Variants in MICU3 observed in about 807,000 individuals in gnomAD.
MICU3 encodes the protein calcium uptake protein 3, mitochondrial.
In MICU3, 62 loss-of-function variants were observed where a neutral mutation model predicts 66.5. That is an observed-to-expected ratio of 0.93 (90% CI 0.76 to 1.15). The LOEUF is 1.15. Ranked by LOEUF, MICU3 falls within the 50% of genes most tolerant of loss-of-function variation. The pLI is 0.00. For synonymous variants in MICU3, 308 were observed against 240.7 expected (o/e 1.28, Z -2.59); for missense variants, 779 against 664.4 (o/e 1.17, Z -1.90).
intron 5 of MICU3, 83 bp from the exon 6 acceptor site, chr8:17,085,153 A>C (rs570403926): frequency 1.2e-6 from 1 of 850,152 alleles, no homozygotes; most frequent in Non-Finnish European, 1.9e-6. Context: ...ACAGAATATG[A>C]GTAACTTTAC....
intron 4 of MICU3, among the ~76,000 whole-genome samples, chr8:17,078,126 C>G (rs1453893981): frequency 2.0e-5 from 3 of 151,766 alleles, no homozygotes; most frequent in African/African-American, 7.3e-5. Context: ...TCAGATTGGA[C>G]TTACATAGTT....
At chr8:17,124,516 T>A (rs1803354784), downstream of MICU3, among the ~76,000 whole-genome samples, 1 of 152,082 alleles carries the variant, frequency 6.6e-6, no homozygotes, top group African/African-American at 2.4e-5. Context: ...CCATCTAGAA[T>A]GGTTGTCCTC....
At chr8:17,067,903 CAAAT>C (rs1266310506) in intron 2 of MICU3, among the ~76,000 whole-genome samples, 7 of 124,844 alleles carry the variant, frequency 5.6e-5, no homozygotes, top group African/African-American at 2.5e-4. Context: ...AATTATAGAT[CAAAT>C]AAATGTTGAG....
At chr8:17,135,250 T>C in the MICU3 span, among the ~76,000 whole-genome samples, 3 of 152,168 alleles carry the variant, frequency 2.0e-5, no homozygotes, top group East Asian at 5.8e-4. Context: ...AATACCAAAA[T>C]TAGCCAGGTG....
chr8:17,116,454 C>A lies in MICU3; in HGVS notation c.1378C>A (p.Arg460Ser). The change falls in exon 13 of 15, where the codon CGT becomes AGT. Residue 460 changes from arginine (R) to serine (S), a missense_variant. By Grantham distance (110) the Arg-to-Ser change is moderately radical. Coordinates refer to ENST00000318063, the MANE Select transcript of MICU3 (RefSeq NM_181723.3). ...SRSIGQDEFKRAVYVATGLKF... is the reference protein window; with the variant it reads ...SRSIGQDEFKSAVYVATGLKF... ...TAACATTTATCTAGATGAATTTAAA[C>A]GTGCCGTCTATGTAGCTACTGGACT... 1 of 1,470,148 alleles carries A rather than the reference C, an allele frequency of 6.8e-7. No homozygotes were observed. Among genetic ancestry groups the A allele is most frequent in the Non-Finnish European group, 9.0e-7 (1 of 1,112,282 alleles). The allele number at this position is 1,470,148 out of a possible 1,614,324, so 91.1% of individuals were successfully genotyped here. A position where few individuals can be genotyped will look rare whatever the true frequency, so the allele number is the denominator to read the frequency against.
chr8:17,087,622 A>C (rs189161054), intron 7 of MICU3, among the ~76,000 whole-genome samples: 12 of 152,200 alleles, frequency 7.9e-5, no homozygotes, highest in Admixed American at 7.9e-4. Context: ...ACAAACAGGT[A>C]CTAAGACCTT....
At chr8:17,128,343 C>T in the MICU3 span, among the ~76,000 whole-genome samples, 1 of 151,296 alleles carries the variant, frequency 6.6e-6, no homozygotes, top group Non-Finnish European at 1.5e-5. Flanking sequence ...AAGAATTCAA[C>T]CAAATCCAGA....
At chr8:17,042,508 TTAAG>T (rs1814321415) in intron 1 of MICU3, among the ~76,000 whole-genome samples, 1 of 152,194 alleles carries the variant, frequency 6.6e-6, no homozygotes, top group South Asian at 2.1e-4. Flanking sequence ...CCTTTCCTCT[TTAAG>T]TAAGTCCTTA....
chr8:17,057,914 C>T (rs1425533861), intron 1 of MICU3, among the ~76,000 whole-genome samples: 3 of 151,886 alleles, frequency 2.0e-5, no homozygotes, highest in Non-Finnish European at 4.4e-5. Flanking sequence ...ATGGTGTGTT[C>T]TCAGATCACT....
chr8:17,090,528 C>G lies in MICU3; in HGVS notation c.850-18C>G, dbSNP rs778740647. 14 of 1,608,420 alleles carry G rather than the reference C, an allele frequency of 8.7e-6. No homozygotes were observed. The African/African-American group carries it at 1.6e-4, about 18-fold the overall frequency. ...CTGAAATATGACACTTCATTTGGCC[C>G]TTTGTGCTCTATGTCAGCGTCTTCA... On this transcript the variant is annotated intron_variant, in intron 7 of 14. Transcript: ENST00000318063.
chr8:17,029,391 A>G (rs982036517), intron 1 of MICU3, among the ~76,000 whole-genome samples: 1 of 152,108 alleles, frequency 6.6e-6, no homozygotes, highest in Non-Finnish European at 1.5e-5. Flanking sequence ...TAGGAGAATC[A>G]CTTGAACCTG....
chr8:17,104,283 C>T (rs939431252), intron 9 of MICU3, 108 bp from the exon 10 acceptor site: 4 of 448,978 alleles, frequency 8.9e-6, no homozygotes, highest in Non-Finnish European at 1.6e-5. Flanking sequence ...AATATATTTA[C>T]ATTCTTGATG....
At chr8:17,138,330 G>A in the MICU3 span, among the ~76,000 whole-genome samples, 1 of 152,062 alleles carries the variant, frequency 6.6e-6, no homozygotes, top group Admixed American at 6.6e-5. Flanking sequence ...TTTGAATGAG[G>A]CAGAAGCTGT....
In MICU3 at chr8:17,027,297, G is replaced by A. The variant is rs775181372; in HGVS notation, c.18G>A (p.Arg6=). ...CCTCCGCTATGGCTGCGCTGCGAAG[G>A]CTCTTGTGGCCGCCACCCCGGGTGT... MAALR[R]LLWPPPRVSP... The change falls in exon 1 of 15, where the codon AGG becomes AGA. Residue 6 remains arginine (R), a synonymous_variant. Coordinates refer to ENST00000318063, the MANE Select transcript of MICU3 (RefSeq NM_181723.3). The A allele has an allele frequency of 2.6e-6, 4 of 1,520,358 alleles. No homozygotes were observed. The highest frequency in any genetic ancestry group is 1.4e-5 in the African/African-American group (1 of 69,048). 94.2% of individuals were successfully genotyped at this position (1,520,358 alleles called of 1,614,324 possible).
intron 5 of MICU3, among the ~76,000 whole-genome samples, chr8:17,084,807 G>A (rs1349985220): frequency 1.3e-5 from 2 of 151,964 alleles, no homozygotes; most frequent in Admixed American, 6.6e-5. Flanking sequence ...AATGTCTTAT[G>A]CTTGACATTT....
intron 1 of MICU3, among the ~76,000 whole-genome samples, chr8:17,039,599 A>G (rs1397023750): frequency 6.6e-6 from 1 of 152,166 alleles, no homozygotes; most frequent in East Asian, 1.9e-4. Flanking sequence ...ATTCTCACAT[A>G]TAATGCTATA....
intron 7 of MICU3, 52 bp from the exon 8 acceptor site, chr8:17,090,494 G>A: frequency 6.6e-7 from 1 of 1,517,996 alleles, no homozygotes; most frequent in Admixed American, 1.9e-5. Flanking sequence ...TGCTGTACTT[G>A]GGTTCATTCT....
At chr8:17,027,781 T>A in intron 1 of MICU3, 121 bp downstream of exon 1, 1 of 1,173,686 alleles carries the variant, frequency 8.5e-7, no homozygotes, top group Middle Eastern at 3.2e-4. Context: ...GAACTTCCCG[T>A]GAGCGAGGCT....
At chr8:17,060,893 A>C (rs563518109) in intron 1 of MICU3, among the ~76,000 whole-genome samples, 1 of 151,034 alleles carries the variant, frequency 6.6e-6, no homozygotes, top group South Asian at 2.1e-4. Flanking sequence ...GTGGGCCCGC[A>C]CCTAATACCA....
Sources: allele counts gnomAD v4.1 joint callset (sites outside exome capture counted in the v4.1 genomes callset), GRCh38; gene constraint gnomAD v4.1.1; transcripts MANE v1.5; gene names NCBI Gene and HGNC (gene_info 2026-07-23, HGNC 2026-07-21).